Variants in CASS4 observed in about 807,000 individuals in gnomAD.
CASS4 encodes the protein Cas scaffold protein family member 4.
Under a neutral mutation model 54.2 loss-of-function variants are expected in CASS4, and 22 were observed. The ratio of observed to expected loss-of-function variants is 0.41; its 90% confidence interval spans 0.29 to 0.58. CASS4 has a LOEUF of 0.58. Among genes scored for constraint, CASS4 ranks in the 20% least tolerant of loss-of-function variants. The pLI is 0.36. For missense variants in CASS4, 854 were observed against 986.7 expected, an observed-to-expected ratio of 0.87 and a Z score of 1.80; for synonymous variants, 409 against 391.5, an observed-to-expected ratio of 1.04 and a Z score of -0.53.
intron 2 of CASS4, among the ~76,000 whole-genome samples, chr20:56,440,227 G>A (rs763830863): frequency 6.6e-6 from 1 of 152,132 alleles, no homozygotes; most frequent in Non-Finnish European, 1.5e-5. Flanking sequence ...CTCTTTTCTG[G>A]AACAACTGGC....
Position 56,459,522 on chromosome 20 carries a change from C to T in CASS4, c.*775C>T, listed in dbSNP as rs765604840. 4.1e-6 allele frequency: 1 copy of T among 243,386 alleles called. No individual in the cohort carries two copies. The highest frequency in any genetic ancestry group is 9.0e-6 in the Non-Finnish European group (1 of 110,644). 15.1% of individuals were successfully genotyped at this position (243,386 alleles called of 1,614,324 possible). ...CATCTGAATCCACTGGGGAGTGGGG[C>T]GATTTTGTTTTAATTTCTCGGTCAG... On this transcript the variant is annotated 3_prime_UTR_variant, in exon 6 of 6. Coordinates refer to ENST00000679887, the MANE Select transcript of CASS4 (RefSeq NM_020356.4).
At chr20:56,419,470 C>G (rs1049984988) in intron 1 of CASS4, among the ~76,000 whole-genome samples, 4 of 152,138 alleles carry the variant, frequency 2.6e-5, no homozygotes, top group African/African-American at 9.7e-5. Context: ...CACCCCCGCT[C>G]AGGCTGGAGT....
intron 3 of CASS4, among the ~76,000 whole-genome samples, chr20:56,447,405 A>G (rs1329159027): frequency 6.6e-6 from 1 of 152,142 alleles, no homozygotes; most frequent in East Asian, 1.9e-4. Flanking sequence ...CTGGTTCACC[A>G]TCTCAGGTTT....
In CASS4 at chr20:56,430,167, C is replaced by T. The variant is rs1294346243; in HGVS notation, c.37-6997C>T. ...TAAGACCACTGTATCCTTGGCTGCT[C>T]GGGTTTAGATGAGCACATTGCACCT... On this transcript the variant is annotated intron_variant, in intron 1 of 5. Transcript: ENST00000679887. The surrounding 1 kb of genome is among the most constrained non-coding windows in gnomAD (Gnocchi z 4.2). 3.3e-5 allele frequency among the ~76,000 whole-genome samples: 5 copies of T among 152,146 alleles called. No individual in the cohort carries two copies. Among genetic ancestry groups the T allele is most frequent in the Admixed American group, 2.6e-4 (4 of 15,272 alleles).
chr20:56,453,025 A>G lies in CASS4; in HGVS notation c.1849A>G (p.Arg617Gly). 6.2e-7 allele frequency: 1 copy of G among 1,614,182 alleles called. No homozygotes were observed. Reference protein sequence around the residue: ...KCEKYIQPPQRETESHQKSTP... With the variant: ...KCEKYIQPPQGETESHQKSTP... The stretch of plus-strand genomic sequence containing the variant: ...TGAAAAATACATCCAGCCTCCCCAA[A>G]GAGAAACTGAATCACACCAAAAGAG... Residue 617 changes from arginine to glycine, a missense_variant, in exon 5 of 6, where the codon AGA becomes GGA. Coordinates refer to ENST00000679887, the MANE Select transcript of CASS4 (RefSeq NM_020356.4).
At chr20:56,436,900 A>G (rs570980329) in intron 1 of CASS4, among the ~76,000 whole-genome samples, 24 of 151,972 alleles carry the variant, frequency 1.6e-4, no homozygotes, top group Admixed American at 1.6e-3. Flanking sequence ...ACCAAAAACA[A>G]ACAGGGCCAT....
chr20:56,435,086 A>G (rs916250200), intron 1 of CASS4, among the ~76,000 whole-genome samples: 37 of 152,182 alleles, frequency 2.4e-4, no homozygotes, highest in African/African-American at 4.8e-5. Context: ...GGGATGTTCA[A>G]TGTCTTTCTG....
intron 5 of CASS4, among the ~76,000 whole-genome samples, chr20:56,455,730 G>T (rs1259228517): frequency 6.6e-6 from 1 of 152,114 alleles, no homozygotes; most frequent in East Asian, 1.9e-4. Flanking sequence ...AGGAGTTTGA[G>T]ACCAGCCTGA....
rs1287779480 is a variant in CASS4 at position 56,459,822 on chromosome 20, A to G, written c.*1075A>G. On this transcript the variant is annotated 3_prime_UTR_variant, in exon 6 of 6. Coordinates refer to ENST00000679887, the MANE Select transcript of CASS4 (RefSeq NM_020356.4). ...CACTTATGTATTGGATGCCTACTAC[A>G]TGCCAAGTTCTAGGTGCTGGAGACA... 3 of 152,050 alleles carry G rather than the reference A, an allele frequency of 2.0e-5. No individual in the cohort carries two copies. Among genetic ancestry groups the G allele is most frequent in the Non-Finnish European group, 4.4e-5 (3 of 68,086 alleles). The allele number at this position is 152,050 out of a possible 1,614,324, so 9.4% of individuals were successfully genotyped here.
At position 56,430,216 on chromosome 20, in the gene CASS4, A is replaced by C. The variant is rs996355292; in HGVS notation, c.37-6948A>C. 1.3e-5 allele frequency among the ~76,000 whole-genome samples: 2 copies of C among 152,218 alleles called. No individual in the cohort carries two copies. Among genetic ancestry groups the C allele is most frequent in the African/African-American group, 4.8e-5 (2 of 41,454 alleles). On this transcript the variant is annotated intron_variant, in intron 1 of 5. Coordinates refer to ENST00000679887, the MANE Select transcript of CASS4 (RefSeq NM_020356.4). The surrounding 1 kb of genome is among the most constrained non-coding windows in gnomAD (Gnocchi z 4.2). Reference sequence around the variant, plus strand: ...CTGCCAGCTGTGGAAAGGTCTCTGCACTGAGGTTATCATCAGCATGAAGGC... The same window carrying C: ...CTGCCAGCTGTGGAAAGGTCTCTGCCCTGAGGTTATCATCAGCATGAAGGC...
intron 1 of CASS4, among the ~76,000 whole-genome samples, chr20:56,431,757 GCT>G (rs2146275182): frequency 6.6e-6 from 1 of 152,266 alleles, no homozygotes; most frequent in East Asian, 1.9e-4. Context: ...TGCAACAACT[GCT>G]CTGTCTAAAG....
At chr20:56,451,682 A>C in intron 4 of CASS4, 137 bp from the exon 5 acceptor site, 1 of 669,098 alleles carries the variant, frequency 1.5e-6, no homozygotes, top group Non-Finnish European at 2.6e-6. Flanking sequence ...GCTCAAAAGA[A>C]TCCTGAAGGA....
chr20:56,425,546 C>T (rs1979598467), intron 1 of CASS4, among the ~76,000 whole-genome samples: 1 of 152,166 alleles, frequency 6.6e-6, no homozygotes, highest in Non-Finnish European at 1.5e-5. Flanking sequence ...AGAAGTCTTC[C>T]TGCATGTGGC....
In CASS4 at chr20:56,445,977, G is replaced by A. The variant is rs766486548; in HGVS notation, c.537G>A (p.Gln179=). ...LPSQVYDVPT[Q]HRGPVVLKEP... The stretch of plus-strand genomic sequence containing the variant: ...CCCAGGTGTATGACGTGCCTACCCA[G>A]CACCGGGGCCCCGTGGTCCTGAAGG... The change falls in exon 3 of 6, where the codon CAG becomes CAA. Residue 179 remains glutamine (Q), a synonymous_variant. Coordinates refer to ENST00000679887, the MANE Select transcript of CASS4 (RefSeq NM_020356.4). 17 of 1,613,744 alleles carry A rather than the reference G, an allele frequency of 1.1e-5. No homozygotes were observed. In the Admixed American group the frequency reaches 1.7e-4, roughly 16 times the overall value.
Position 56,452,010 on chromosome 20 carries a change from T to G in CASS4, c.834T>G (p.Thr278=). 6.2e-7 allele frequency: 1 copy of G among 1,614,210 alleles called. No individual in the cohort carries two copies. The change falls in exon 5 of 6, where the codon ACT becomes ACG. Residue 278 remains threonine, a synonymous_variant. Transcript: ENST00000679887. ...RPHALPSSSS[T]FYNPPSGRSR... ...ACGCTCTCCCCAGTTCCAGCTCCACTTTCTACAATCCTCCAAGTGGCAGAT... is the reference window on the plus strand; with the variant it reads ...ACGCTCTCCCCAGTTCCAGCTCCACGTTCTACAATCCTCCAAGTGGCAGAT...
At chr20:56,431,271 C>G (rs1979890759) in intron 1 of CASS4, among the ~76,000 whole-genome samples, 1 of 150,900 alleles carries the variant, frequency 6.6e-6, no homozygotes, top group African/African-American at 2.5e-5. Context: ...GTATAATTCC[C>G]TGTTTTCCCT....
intron 2 of CASS4, among the ~76,000 whole-genome samples, chr20:56,440,324 G>A (rs2146284376): frequency 6.6e-6 from 1 of 152,348 alleles, no homozygotes; most frequent in South Asian, 2.1e-4. Flanking sequence ...AGAACAACAA[G>A]TGACATTAAC....
At position 56,412,395 on chromosome 20, in the gene CASS4, A is replaced by C. The variant is rs955506351; in HGVS notation, c.-64A>C. On this transcript the variant is annotated 5_prime_UTR_variant, in exon 1 of 6. Transcript: ENST00000679887. The surrounding 1 kb of genome is among the most constrained non-coding windows in gnomAD (Gnocchi z 4.2). ...CCAGAAGCATGCAGTGACATTGCAC[A>C]ATCTGCCTCTGAAGCTGGAGATACT... is the stretch of plus-strand genomic sequence containing the variant. 8.3e-6 allele frequency: 13 copies of C among 1,562,500 alleles called. No homozygotes were observed. In the East Asian group the frequency reaches 2.7e-4, roughly 33 times the overall value.
chr20:56,452,606 A>G lies in CASS4; in HGVS notation c.1430A>G (p.Asp477Gly), dbSNP rs1326720925. The G allele has an allele frequency of 1.9e-6, 3 of 1,614,046 alleles. No homozygotes were observed. Among genetic ancestry groups the G allele is most frequent in the Non-Finnish European group, 1.7e-6 (2 of 1,180,042 alleles). ...RFRDYLEANIDAIHRSTDHIE... is the reference protein window; with the variant it reads ...RFRDYLEANIGAIHRSTDHIE... Reference sequence around the variant, plus strand: ...CGAGACTATCTGGAGGCCAACATTGATGCAATCCACAGGTCCACTGATCAC... The same window carrying G: ...CGAGACTATCTGGAGGCCAACATTGGTGCAATCCACAGGTCCACTGATCAC... Residue 477 changes from aspartate (D) to glycine (G), a missense_variant, in exon 5 of 6, where the codon GAT becomes GGT. Coordinates refer to ENST00000679887, the MANE Select transcript of CASS4 (RefSeq NM_020356.4).
Sources: allele counts gnomAD v4.1 joint callset (sites outside exome capture counted in the v4.1 genomes callset), GRCh38; gene constraint gnomAD v4.1.1; non-coding constraint Gnocchi (gnomAD v3.1); transcripts MANE v1.5; gene names NCBI Gene and HGNC (gene_info 2026-07-23, HGNC 2026-07-21).